The following KAZN variants were observed in gnomAD, a reference collection of about 807,000 sequenced individuals.
The protein encoded by KAZN is kazrin.
Under a neutral mutation model 87.4 loss-of-function variants are expected in KAZN, and 40 were observed. The ratio of observed to expected loss-of-function variants is 0.46; its 90% CI spans 0.36 to 0.60. The LOEUF is 0.60. Ranked by LOEUF, KAZN falls within the 20% of genes least tolerant of loss-of-function variation. The pLI is 0.00. For synonymous variants in KAZN, 466 were observed against 458.3 expected (o/e 1.02, Z -0.22); for missense variants, 898 against 1,073.9 (o/e 0.84, Z 2.29).
intron 2 of KAZN, among the ~76,000 whole-genome samples, chr1:14,429,406 G>A (rs1331170771): frequency 1.3e-5 from 2 of 152,084 alleles, no homozygotes; most frequent in South Asian, 2.1e-4. Flanking sequence ...ACCTGGGTTC[G>A]AAATCCTGCT....
chr1:14,949,863 T>G lies in KAZN; in HGVS notation c.227-10821T>G, dbSNP rs1371134929. On this transcript the variant is annotated intron_variant, in intron 1 of 14. Coordinates refer to ENST00000376030, the MANE Select transcript of KAZN (RefSeq NM_201628.3). This position sits in a 1 kb window ranked among gnomAD's most constrained non-coding sequence, Gnocchi z 4.3. ...TGGGGTGTGGAGCTGGGTGGGCCCA[T>G]CTCCCCATGGGAACTCTGGGCAGCA... Among the ~76,000 whole-genome samples, 1 of 146,550 alleles carries G rather than the reference T, an allele frequency of 6.8e-6. No homozygotes were observed. Among genetic ancestry groups the G allele is most frequent in the Non-Finnish European group, 1.5e-5 (1 of 65,992 alleles).
chr1:14,590,889 T>A (rs1676154074), intron 2 of KAZN, among the ~76,000 whole-genome samples: 1 of 152,166 alleles, frequency 6.6e-6, no homozygotes, highest in African/African-American at 2.4e-5. Context: ...GTCTCAGAAC[T>A]AGTACGTGGC....
intron 2 of KAZN, among the ~76,000 whole-genome samples, chr1:14,531,171 A>G (rs536055311): frequency 2.0e-5 from 3 of 152,306 alleles, no homozygotes; most frequent in African/African-American, 4.8e-5. Context: ...CAGAGTGTAA[A>G]CATCCCATCC....
chr1:15,015,213 C>T (rs559936292), intron 2 of KAZN, among the ~76,000 whole-genome samples: 48 of 151,802 alleles, frequency 3.2e-4, no homozygotes, highest in African/African-American at 1.0e-3. Flanking sequence ...AGTGCAGTGG[C>T]GCGATCTCGG....
intron 1 of KAZN, among the ~76,000 whole-genome samples, chr1:13,981,089 T>A (rs71510954): frequency 0.024 from 1,481 of 62,648 alleles, 38 homozygotes; most frequent in Middle Eastern, 0.044. Flanking sequence ...AAATTACTCT[T>A]TATATATATA....
chr1:14,908,457 G>A (rs1263299780), intron 1 of KAZN, among the ~76,000 whole-genome samples: 13 of 152,146 alleles, frequency 8.5e-5, no homozygotes, highest in African/African-American at 2.9e-4. Context: ...CAGGAGAATC[G>A]CTTGAGCCTG....
intron 2 of KAZN, among the ~76,000 whole-genome samples, chr1:14,482,267 A>G (rs1669125895): frequency 6.6e-6 from 1 of 152,208 alleles, no homozygotes; most frequent in Admixed American, 6.5e-5. Context: ...AATTTCTACC[A>G]TGACTGGGGA....
At chr1:14,071,569 G>C (rs1643247032) in intron 1 of KAZN, among the ~76,000 whole-genome samples, 1 of 152,194 alleles carries the variant, frequency 6.6e-6, no homozygotes, top group Non-Finnish European at 1.5e-5. Context: ...ATGGAACTCA[G>C]CATCCTGTCA....
At chr1:14,554,189 G>A (rs375127931) in intron 2 of KAZN, among the ~76,000 whole-genome samples, 1 of 152,078 alleles carries the variant, frequency 6.6e-6, no homozygotes, top group East Asian at 1.9e-4. Flanking sequence ...TGGTTCTGTG[G>A]GGAGATATGA....
intron 2 of KAZN, among the ~76,000 whole-genome samples, chr1:14,508,118 G>A (rs1158950166): frequency 6.6e-6 from 1 of 152,062 alleles, no homozygotes; most frequent in African/African-American, 2.4e-5. Flanking sequence ...CCATCATTGA[G>A]GAGTCCCTGA....
intron 2 of KAZN, among the ~76,000 whole-genome samples, chr1:14,297,577 A>C (rs1654222990): frequency 6.6e-6 from 1 of 150,864 alleles, no homozygotes; most frequent in African/African-American, 2.4e-5. Flanking sequence ...GATCCTTTAC[A>C]TTTTCCCTGC....
chr1:14,550,732 T>TCTCC (rs1673453966), intron 2 of KAZN, among the ~76,000 whole-genome samples: 2 of 81,858 alleles, frequency 2.4e-5, no homozygotes, highest in Admixed American at 1.1e-4. Context: ...TCTCTCTCTC[T>TCTCC]CTCTCTCCCC....
At chr1:14,082,572 C>T (rs78228172) in intron 1 of KAZN, among the ~76,000 whole-genome samples, 4,280 of 152,170 alleles carry the variant, frequency 0.028, 195 homozygotes, top group African/African-American at 0.098. Flanking sequence ...GAAGCCCTGC[C>T]CAGGAAGGAT....
intron 1 of KAZN, among the ~76,000 whole-genome samples, chr1:14,881,461 C>A (rs185767691): frequency 6.6e-6 from 1 of 152,212 alleles, no homozygotes; most frequent in Non-Finnish European, 1.5e-5. Flanking sequence ...TTCTGTGACC[C>A]GTACCATTGG....
intron 2 of KAZN, among the ~76,000 whole-genome samples, chr1:14,976,245 T>C (rs1156936423): frequency 6.6e-6 from 1 of 152,124 alleles, no homozygotes; most frequent in African/African-American, 2.4e-5. Context: ...CTCGGCTCAC[T>C]GCAGCCTCAA....
At chr1:14,985,332 C>A (rs1424350684) in intron 2 of KAZN, among the ~76,000 whole-genome samples, 1 of 138,184 alleles carries the variant, frequency 7.2e-6, no homozygotes, top group Admixed American at 6.9e-5. Context: ...GAGTTTGAGA[C>A]CAGGTTGGGC....
intron 1 of KAZN, among the ~76,000 whole-genome samples, chr1:14,885,084 A>G (rs1193532793): frequency 6.6e-6 from 1 of 152,238 alleles, no homozygotes; most frequent in Non-Finnish European, 1.5e-5. Context: ...AAGCAGTTAG[A>G]GAAGTCTTCT....
chr1:14,852,665 T>C (rs1197644168), intron 1 of KAZN, among the ~76,000 whole-genome samples: 1 of 152,250 alleles, frequency 6.6e-6, no homozygotes. Context: ...TGGCAGAAGA[T>C]GACAAGTGCA....
chr1:14,922,345 C>T (rs917613167), intron 1 of KAZN, among the ~76,000 whole-genome samples: 1 of 152,122 alleles, frequency 6.6e-6, no homozygotes, highest in African/African-American at 2.4e-5. Flanking sequence ...CTCGGGTGCT[C>T]AGAGTGATCA....
Sources: allele counts gnomAD v4.1 joint callset (sites outside exome capture counted in the v4.1 genomes callset), GRCh38; gene constraint gnomAD v4.1.1; non-coding constraint Gnocchi (gnomAD v3.1); transcripts MANE v1.5; gene names NCBI Gene and HGNC (gene_info 2026-07-23, HGNC 2026-07-21).